Variants in REEP1 observed in about 807,000 individuals in gnomAD.
REEP1 encodes the protein receptor expression-enhancing protein 1.
In REEP1, 22 loss-of-function variants were observed where a neutral mutation model predicts 40.3. The observed-to-expected ratio is 0.55, with a 90% CI of 0.39 to 0.78. The LOEUF is 0.78. Among genes scored for constraint, REEP1 ranks in the 30% least tolerant of loss-of-function variants. The probability of loss-of-function intolerance (pLI) is 0.00; values close to 1 mark genes in which losing one functional copy is unlikely to be tolerated. For synonymous variants in REEP1, 116 were observed against 139.2 expected (o/e 0.83, Z 1.17); for missense variants, 280 against 361.1 (o/e 0.78, Z 1.82).
intron 5 of REEP1, among the ~76,000 whole-genome samples, chr2:86,236,093 G>A (rs1226521049): frequency 6.6e-6 from 1 of 152,060 alleles, no homozygotes; most frequent in Admixed American, 6.5e-5. Context: ...GTGCACGCCT[G>A]TAATCTCAGC....
chr2:86,293,178 A>C (rs1243431037), intron 1 of REEP1, among the ~76,000 whole-genome samples: 1 of 152,240 alleles, frequency 6.6e-6, no homozygotes, highest in African/African-American at 2.4e-5. Context: ...AAGGTCACAG[A>C]GCTGCTAACT....
chr2:86,312,095 A>G (rs1679791530), intron 1 of REEP1, among the ~76,000 whole-genome samples: 1 of 152,160 alleles, frequency 6.6e-6, no homozygotes, highest in South Asian at 2.1e-4. Context: ...TGACACAGAC[A>G]CACTGCTTTC....
intron 3 of REEP1, among the ~76,000 whole-genome samples, chr2:86,259,103 C>T (rs1039616451): frequency 6.6e-6 from 1 of 151,918 alleles, no homozygotes; most frequent in African/African-American, 2.4e-5. Flanking sequence ...TTCAGGAGAT[C>T]GAGACCATCC....
Position 86,216,709 on chromosome 2 carries a change from C to T in REEP1, c.*330G>A. Reference sequence around the variant, plus strand: ...ACAGATAAATTACAAATGTACATCTCAGCAGCATAGGGGTGATTCTCTTAT... The same window carrying T: ...ACAGATAAATTACAAATGTACATCTTAGCAGCATAGGGGTGATTCTCTTAT... On this transcript the variant is annotated 3_prime_UTR_variant, in exon 9 of 9. Coordinates refer to ENST00000538924, the MANE Select transcript of REEP1 (RefSeq NM_001371279.1). The T allele has an allele frequency of 3.8e-6, 1 of 261,036 alleles. No individual in the cohort carries two copies. Among genetic ancestry groups the T allele is most frequent in the Non-Finnish European group, 7.4e-6 (1 of 134,240 alleles). The allele number at this position is 261,036 out of a possible 1,614,324, so 16.2% of individuals were successfully genotyped here.
chr2:86,317,747 G>T (rs1024738553), intron 1 of REEP1, among the ~76,000 whole-genome samples: 1 of 152,180 alleles, frequency 6.6e-6, no homozygotes, highest in African/African-American at 2.4e-5. Context: ...CTTGAGTATG[G>T]ATGTTCTTAT....
intron 2 of REEP1, among the ~76,000 whole-genome samples, chr2:86,272,259 C>T (rs1677498122): frequency 6.6e-6 from 1 of 152,164 alleles, no homozygotes; most frequent in Non-Finnish European, 1.5e-5. Flanking sequence ...TTGATGCAAC[C>T]CTTAGCTACA....
At chr2:86,273,274 G>T (rs1677561838) in intron 2 of REEP1, among the ~76,000 whole-genome samples, 1 of 150,756 alleles carries the variant, frequency 6.6e-6, no homozygotes, top group Admixed American at 6.6e-5. Flanking sequence ...GCATGAACTG[G>T]CCCCTACCTT....
chr2:86,303,143 C>T (rs532855416), intron 1 of REEP1, among the ~76,000 whole-genome samples: 1 of 151,798 alleles, frequency 6.6e-6, no homozygotes, highest in African/African-American at 2.4e-5. Context: ...CCTAGGCTCA[C>T]GTGATCCTCT....
upstream of REEP1, chr2:86,337,944 C>T (rs1229823995): frequency 1.3e-5 from 17 of 1,348,934 alleles, no homozygotes; most frequent in Admixed American, 3.2e-4. This position sits in a 1 kb window ranked among gnomAD's most constrained non-coding sequence, Gnocchi z 5.8. Flanking sequence ...ACCTGAACCT[C>T]GGGAATCTGT....
intron 1 of REEP1, among the ~76,000 whole-genome samples, chr2:86,322,467 A>G (rs1342441889): frequency 2.0e-5 from 3 of 151,978 alleles, no homozygotes; most frequent in Non-Finnish European, 4.4e-5. Context: ...TGCAGCCTTG[A>G]CTTCCTGAGT....
rs1032239043 is a variant in REEP1, at chr2:86,279,565, C to T, written c.105+2605G>A. 3.3e-5 allele frequency among the ~76,000 whole-genome samples: 5 copies of T among 152,282 alleles called. 1 individual carries two copies. The South Asian group carries it at 1.0e-3, about 32-fold the overall frequency. On this transcript the variant is annotated intron_variant, in intron 2 of 8. Coordinates refer to ENST00000538924, the MANE Select transcript of REEP1 (RefSeq NM_001371279.1). ...TGTGTAGCATTATTAAATTAAGGAC[C>T]TTCAGATGGGAAGAGTATCCTGGAT...
In REEP1 at chr2:86,252,086, CAG is replaced by C. The variant is rs1168785285; in HGVS notation, c.304-18_304-17del. 2.6e-6 allele frequency: 4 copies of C among 1,530,118 alleles called. No homozygotes were observed. The allele number at this position is 1,530,118 out of a possible 1,614,324, so 94.8% of individuals were successfully genotyped here. On this transcript the variant is annotated splice_polypyrimidine_tract_variant and intron_variant, in intron 4 of 8. Coordinates refer to ENST00000538924, the MANE Select transcript of REEP1 (RefSeq NM_001371279.1). ...CATCGATTTCCTGTCAAAGGAAAAA[CAG>C]AGGCACACTGAGCTGGAAGGTTCAA...
chr2:86,221,713 C>T (rs1250594470), intron 7 of REEP1, among the ~76,000 whole-genome samples: 2 of 152,178 alleles, frequency 1.3e-5, no homozygotes, highest in Non-Finnish European at 2.9e-5. Flanking sequence ...GAGCACCTGA[C>T]CCAGGGCTGG....
At chr2:86,224,979 T>C (rs914955132) in intron 7 of REEP1, among the ~76,000 whole-genome samples, 1 of 152,186 alleles carries the variant, frequency 6.6e-6, no homozygotes, top group Admixed American at 6.5e-5. Flanking sequence ...TTGGAATGGC[T>C]CACAGAATTT....
At chr2:86,273,959 T>C (rs950520249) in intron 2 of REEP1, among the ~76,000 whole-genome samples, 5 of 152,344 alleles carry the variant, frequency 3.3e-5, no homozygotes, top group African/African-American at 1.2e-4. Context: ...TAATAGGTAC[T>C]GAATGAGTAT....
chr2:86,253,498 C>G (rs922281591), intron 4 of REEP1, among the ~76,000 whole-genome samples: 1 of 152,188 alleles, frequency 6.6e-6, no homozygotes, highest in Admixed American at 6.5e-5. Context: ...GCCTGTCCCC[C>G]ACCACCACCC....
intron 1 of REEP1, among the ~76,000 whole-genome samples, chr2:86,315,627 G>A (rs1679960522): frequency 6.6e-6 from 1 of 152,284 alleles, no homozygotes; most frequent in African/African-American, 2.4e-5. Flanking sequence ...TGCACAGGGG[G>A]TACTCAGTAA....
chr2:86,288,139 C>CTAT (rs1678505467), intron 1 of REEP1, among the ~76,000 whole-genome samples: 2 of 152,130 alleles, frequency 1.3e-5, no homozygotes, highest in South Asian at 4.1e-4. Flanking sequence ...TCTCCTTCCT[C>CTAT]AACCTCCTGA....
intron 1 of REEP1, among the ~76,000 whole-genome samples, chr2:86,318,147 A>G (rs1326722600): frequency 1.3e-5 from 2 of 152,182 alleles, no homozygotes; most frequent in African/African-American, 4.8e-5. Context: ...TTATACAATA[A>G]AATGTGTCAA....
Sources: allele counts gnomAD v4.1 joint callset (sites outside exome capture counted in the v4.1 genomes callset), GRCh38; gene constraint gnomAD v4.1.1; non-coding constraint Gnocchi (gnomAD v3.1); transcripts MANE v1.5; gene names NCBI Gene and HGNC (gene_info 2026-07-23, HGNC 2026-07-21).